ATOSA: variants seen among roughly 807,000 people sequenced by gnomAD.
The protein encoded by ATOSA is atos homolog A, also known as atos homolog protein A.
At chr15:52,598,870 C>G in the ATOSA span, among the ~76,000 whole-genome samples, 1 of 152,146 alleles carries the variant, frequency 6.6e-6, no homozygotes, top group African/African-American at 2.4e-5. Flanking sequence ...TCTGTCCTTG[C>G]AACAGTAGGT....
chr15:52,662,571 C>G, the ATOSA span, among the ~76,000 whole-genome samples: 2 of 151,970 alleles, frequency 1.3e-5, no homozygotes, highest in African/African-American at 2.4e-5. Context: ...GAGATCGAGA[C>G]CATCCTGGCT....
the ATOSA span, chr15:52,587,104 G>A: frequency 6.8e-6 from 11 of 1,611,560 alleles, no homozygotes; most frequent in Non-Finnish European, 9.3e-6. Context: ...AGTTCTATAT[G>A]TATGTGAGAG....
At chr15:52,638,951 A>ATATT in the ATOSA span, among the ~76,000 whole-genome samples, 18 of 152,138 alleles carry the variant, frequency 1.2e-4, no homozygotes, top group African/African-American at 4.3e-4. Context: ...TTCTAAAATC[A>ATATT]TATTTAAGAA....
the ATOSA span, among the ~76,000 whole-genome samples, chr15:52,583,105 C>G: frequency 2.7e-3 from 416 of 152,356 alleles, 6 homozygotes; most frequent in Middle Eastern, 0.027. Context: ...CTGGCTCACT[C>G]TTCCCTCCTT....
the ATOSA span, among the ~76,000 whole-genome samples, chr15:52,688,713 A>G: frequency 6.6e-6 from 1 of 152,222 alleles, no homozygotes; most frequent in Non-Finnish European, 1.5e-5. Context: ...AGTACTGAGA[A>G]GCCATCAGCC....
chr15:52,638,679 C>T, the ATOSA span, among the ~76,000 whole-genome samples: 8 of 122,964 alleles, frequency 6.5e-5, no homozygotes, highest in Admixed American at 4.1e-4. Flanking sequence ...CCAGCCTGGG[C>T]GACATAGTGA....
the ATOSA span, among the ~76,000 whole-genome samples, chr15:52,615,217 A>C: frequency 6.6e-6 from 1 of 152,220 alleles, no homozygotes; most frequent in Non-Finnish European, 1.5e-5. Context: ...AGTTTCAAAC[A>C]ATCTAATCTG....
the ATOSA span, among the ~76,000 whole-genome samples, chr15:52,603,557 G>C: frequency 6.6e-6 from 1 of 151,760 alleles, no homozygotes; most frequent in Admixed American, 6.6e-5. Flanking sequence ...AGCACCATTT[G>C]CAACAGCCAA....
At chr15:52,608,005 C>T in the ATOSA span, among the ~76,000 whole-genome samples, 3 of 152,122 alleles carry the variant, frequency 2.0e-5, no homozygotes, top group South Asian at 6.2e-4. Flanking sequence ...CTCAGCCTCC[C>T]AAACAGTTGG....
the ATOSA span, among the ~76,000 whole-genome samples, chr15:52,596,612 A>G: frequency 6.6e-6 from 1 of 152,242 alleles, no homozygotes. Flanking sequence ...GTAATATATG[A>G]AGACATTTTT....
chr15:52,665,472 A>G, the ATOSA span, among the ~76,000 whole-genome samples: 1 of 152,212 alleles, frequency 6.6e-6, no homozygotes, highest in East Asian at 1.9e-4. Flanking sequence ...TTGCTCATAC[A>G]TTAAAGCTAA....
At chr15:52,588,586 T>G in the ATOSA span, among the ~76,000 whole-genome samples, 1 of 152,052 alleles carries the variant, frequency 6.6e-6, no homozygotes, top group Non-Finnish European at 1.5e-5. Context: ...CTACAGGAAC[T>G]CACCACCACG....
the ATOSA span, among the ~76,000 whole-genome samples, chr15:52,616,795 G>A: frequency 6.6e-6 from 1 of 152,174 alleles, no homozygotes; most frequent in South Asian, 2.1e-4. Flanking sequence ...ACAGCAAAGA[G>A]AATGAAATAA....
chr15:52,679,815 C>CCCTCCT, the ATOSA span, among the ~76,000 whole-genome samples: 469 of 104,698 alleles, frequency 4.5e-3, 4 homozygotes, highest in East Asian at 0.039. Flanking sequence ...CTCCTTCCCC[C>CCCTCCT]CCTCCTCCTC....
chr15:52,606,318 C>T, the ATOSA span, among the ~76,000 whole-genome samples: 130,215 of 152,048 alleles, frequency 0.86, 56,002 homozygotes, highest in East Asian at 0.99. Context: ...TTCTTAAGGA[C>T]TGGAGAAGTT....
chr15:52,584,147 T>TC, the ATOSA span, among the ~76,000 whole-genome samples: 1 of 139,778 alleles, frequency 7.2e-6, no homozygotes, highest in Non-Finnish European at 1.6e-5. Context: ...TCATATTACT[T>TC]TTTTTTTTTT....
At chr15:52,664,041 C>T in the ATOSA span, among the ~76,000 whole-genome samples, 1 of 152,090 alleles carries the variant, frequency 6.6e-6, no homozygotes, top group East Asian at 1.9e-4. Context: ...TCTTTTTATC[C>T]AAAATTAGAG....
At chr15:52,699,408 T>C in the ATOSA span, among the ~76,000 whole-genome samples, 2 of 151,906 alleles carry the variant, frequency 1.3e-5, no homozygotes, top group African/African-American at 4.8e-5. Flanking sequence ...TCATCCTTGA[T>C]GGGTCCTCCT....
chr15:52,697,234 C>G, the ATOSA span, among the ~76,000 whole-genome samples: 3 of 152,326 alleles, frequency 2.0e-5, no homozygotes, highest in Admixed American at 6.5e-5. Context: ...TCCTGCAAAG[C>G]CTGCACAACC....
Sources: gnomAD v4.1 joint callset for allele counts (sites outside exome capture counted in the v4.1 genomes callset) on GRCh38, gnomAD v4.1.1 for gene constraint, MANE v1.5 for transcripts, NCBI Gene and HGNC (gene_info 2026-07-23, HGNC 2026-07-21) for gene names.